The following CYP4B1 variants were observed in gnomAD, a reference collection of about 807,000 sequenced individuals.
CYP4B1 encodes cytochrome P450 4B1.
CYP4B1 carries 45 observed loss-of-function variants against 54.0 expected under a neutral mutation model. That is an observed-to-expected ratio of 0.83 (90% CI 0.66 to 1.07). The LOEUF (loss-of-function observed/expected upper bound fraction) is 1.07, where lower values mean the gene tolerates loss of function less well. Among genes scored for constraint, CYP4B1 ranks in the 50% least tolerant of loss-of-function variants. CYP4B1 has a pLI of 0.00. For missense variants in CYP4B1, 656 were observed against 655.4 expected (o/e 1.00, Z -0.01); for synonymous variants, 248 against 247.5 (o/e 1.00, Z -0.02).
chr1:46,803,933 T>A (rs946182035), intron 1 of CYP4B1, among the ~76,000 whole-genome samples: 1 of 152,072 alleles, frequency 6.6e-6, no homozygotes, highest in Non-Finnish European at 1.5e-5. Context: ...CGAACATGTG[T>A]ATGAGTGTGG....
chr1:46,808,489 G>T (rs1678952163), intron 1 of CYP4B1, among the ~76,000 whole-genome samples: 1 of 151,454 alleles, frequency 6.6e-6, no homozygotes, highest in African/African-American at 2.4e-5. Flanking sequence ...TTTTGATGGG[G>T]TTGTTTGTTT....
At chr1:46,805,550 A>G (rs1026542203) in intron 1 of CYP4B1, among the ~76,000 whole-genome samples, 1 of 152,122 alleles carries the variant, frequency 6.6e-6, no homozygotes, top group Admixed American at 6.5e-5. Flanking sequence ...GAAAGGGAGG[A>G]TGGAGGATGA....
At chr1:46,799,411 C>T in intron 1 of CYP4B1, 150 bp downstream of exon 1, 1 of 774,988 alleles carries the variant, frequency 1.3e-6, no homozygotes, top group Non-Finnish European at 2.0e-6. Flanking sequence ...TTCAGCTTTC[C>T]CACCGGAATT....
chr1:46,801,732 C>A (rs1382208592), intron 1 of CYP4B1, among the ~76,000 whole-genome samples: 1 of 152,158 alleles, frequency 6.6e-6, no homozygotes, highest in Non-Finnish European at 1.5e-5. Context: ...AAAATGAGGA[C>A]ATTGAAGTTC....
rs1237036677 is a variant in CYP4B1 at position 46,815,118 on chromosome 1, A to C, written c.927A>C (p.Glu309Asp). The C allele has an allele frequency of 6.2e-7, 1 of 1,614,214 alleles. No homozygotes were observed. Among genetic ancestry groups the C allele is most frequent in the East Asian group, 2.2e-5 (1 of 44,880 alleles). Residue 309 changes from glutamate (E) to aspartate (D), a missense_variant, in exon 8 of 12, where the codon GAA (glutamate) becomes GAC (aspartate). Physicochemically the swap from Glu to Asp is conservative, Grantham distance 45. Transcript: ENST00000371923. ...IKLSDADLRA[E>D]VDTFMFEGHD... ...TGTCAGATGCAGACCTCCGGGCTGAAGTGGACACATTCATGTTTGAAGGCC... is the reference window on the plus strand; with the variant it reads ...TGTCAGATGCAGACCTCCGGGCTGACGTGGACACATTCATGTTTGAAGGCC...
In CYP4B1 at chr1:46,815,104, G is replaced by C; in HGVS notation, c.913G>C (p.Asp305His). The C allele has an allele frequency of 6.2e-7, 1 of 1,614,226 alleles. No homozygotes were observed. The highest frequency in any genetic ancestry group is 8.5e-7 in the Non-Finnish European group (1 of 1,180,040). ...DEDDIKLSDA[D>H]LRAEVDTFMF... ...AGATGACATCAAACTGTCAGATGCA[G>C]ACCTCCGGGCTGAAGTGGACACATT... Residue 305 changes from aspartate (D) to histidine (H), a missense_variant, in exon 8 of 12, where the codon GAC becomes CAC. Coordinates refer to ENST00000371923, the MANE Select transcript of CYP4B1 (RefSeq NM_001099772.2).
chr1:46,814,952 C>T (rs569231545), intron 7 of CYP4B1, 122 bp from the exon 8 acceptor site: 1 of 811,348 alleles, frequency 1.2e-6, no homozygotes. Flanking sequence ...TCCTAATCCA[C>T]CCTCTGAAAA....
intron 8 of CYP4B1, among the ~76,000 whole-genome samples, chr1:46,816,377 G>A (rs1486781493): frequency 6.6e-6 from 1 of 152,174 alleles, no homozygotes; most frequent in Non-Finnish European, 1.5e-5. Flanking sequence ...ACCCGAGGCA[G>A]GGATTAGAAT....
At chr1:46,809,288 G>A (rs1679000701) in intron 1 of CYP4B1, among the ~76,000 whole-genome samples, 1 of 152,152 alleles carries the variant, frequency 6.6e-6, no homozygotes, top group Admixed American at 6.5e-5. Context: ...CCACCCCTAT[G>A]ATGCCAACAC....
Position 46,817,199 on chromosome 1 carries a change from G to T in CYP4B1, c.1207+18G>T, listed in dbSNP as rs1336679507. The T allele has an allele frequency of 3.7e-6, 6 of 1,613,872 alleles. No homozygotes were observed. Among genetic ancestry groups the T allele is most frequent in the African/African-American group, 1.3e-5 (1 of 75,022 alleles). ...ACCTGCAGGTGGGATGGGTGGATTT[G>T]GGGGTGGAAAAGGAGTCCCTGCATG... On this transcript the variant is annotated intron_variant, in intron 9 of 11. Coordinates refer to ENST00000371923, the MANE Select transcript of CYP4B1 (RefSeq NM_001099772.2).
Position 46,817,962 on chromosome 1 carries a change from C to T in CYP4B1, c.1208-3C>T. On this transcript the variant is annotated splice_polypyrimidine_tract_variant and splice_region_variant and intron_variant, in intron 9 of 11. Transcript: ENST00000371923. Reference sequence around the variant, plus strand: ...TGGTCACCAACCTCTGTTCTGCCCACAGGAAGCCTGATCTCTATGCATATC... The same window carrying T: ...TGGTCACCAACCTCTGTTCTGCCCATAGGAAGCCTGATCTCTATGCATATC... The T allele has an allele frequency of 6.2e-7, 1 of 1,614,108 alleles. No individual in the cohort carries two copies. The highest frequency in any genetic ancestry group is 8.5e-7 in the Non-Finnish European group (1 of 1,179,950).
rs762356887 is a variant in CYP4B1 at position 46,815,269 on chromosome 1, G to T, written c.1073+5G>T. On this transcript the variant is annotated splice_donor_5th_base_variant and intron_variant, in intron 8 of 11. Transcript: ENST00000371923. The stretch of plus-strand genomic sequence containing the variant: ...GGACCAGGACTTCTTCCAGTGGTGA[G>T]TCTGAGGGTGGGCCCGGTTTATCCT... The T allele has an allele frequency of 5.2e-6, 8 of 1,547,802 alleles. No individual in the cohort carries two copies.
Position 46,817,126 on chromosome 1 carries a change from G to C in CYP4B1, c.1152G>C (p.Val384=), listed in dbSNP as rs914210953. The C allele has an allele frequency of 2.5e-6, 4 of 1,614,218 alleles. No individual in the cohort carries two copies. Among genetic ancestry groups the C allele is most frequent in the Non-Finnish European group, 3.4e-6 (4 of 1,180,032 alleles). ...SFRLYPPVPQ[V]YRQLSKPVTF... The stretch of plus-strand genomic sequence containing the variant: ...GCCTCTACCCACCTGTGCCCCAGGT[G>C]TACCGCCAGCTCAGCAAGCCTGTCA... Residue 384 remains valine, a synonymous_variant, in exon 9 of 12, where the codon GTG becomes GTC. Transcript: ENST00000371923.
chr1:46,811,435 G>A (rs1016292277), intron 3 of CYP4B1, among the ~76,000 whole-genome samples: 46 of 152,334 alleles, frequency 3.0e-4, no homozygotes, highest in African/African-American at 9.9e-4. Context: ...GTGTGAGTGC[G>A]AAGAACAGTT....
chr1:46,800,784 A>T (rs1361074555), intron 1 of CYP4B1, among the ~76,000 whole-genome samples: 1 of 152,216 alleles, frequency 6.6e-6, no homozygotes, highest in Non-Finnish European at 1.5e-5. Flanking sequence ...TTGCCCTGAC[A>T]GATAACCCTG....
intron 4 of CYP4B1, 119 bp from the exon 5 acceptor site, chr1:46,813,363 T>C: frequency 1.7e-6 from 2 of 1,211,846 alleles, no homozygotes; most frequent in Non-Finnish European, 2.4e-6. Flanking sequence ...ACTGGGAGTG[T>C]GTGAAGGGGG....
rs1178842329 is a variant in CYP4B1, at chr1:46,818,822, G to A, written c.*8G>A. On this transcript the variant is annotated 3_prime_UTR_variant, in exon 12 of 12. Coordinates refer to ENST00000371923, the MANE Select transcript of CYP4B1 (RefSeq NM_001099772.2). ...CCTGGGTCTGGGAAGTAGCTCTGAT[G>A]AGAATGGGGTCCCAGATGGCTCAGG... The A allele has an allele frequency of 1.2e-6, 2 of 1,613,908 alleles. No homozygotes were observed. Among genetic ancestry groups the A allele is most frequent in the Admixed American group, 3.3e-5 (2 of 60,022 alleles).
intron 1 of CYP4B1, among the ~76,000 whole-genome samples, chr1:46,807,160 A>G (rs1678892859): frequency 6.6e-6 from 1 of 152,222 alleles, no homozygotes; most frequent in South Asian, 2.1e-4. Flanking sequence ...ATAAATCTAA[A>G]GAGCTAGGAG....
intron 1 of CYP4B1, among the ~76,000 whole-genome samples, chr1:46,807,423 T>C (rs1678906098): frequency 6.6e-6 from 1 of 152,150 alleles, no homozygotes; most frequent in African/African-American, 2.4e-5. Context: ...CCAATTGGGC[T>C]TTCTGGACCT....
Sources: allele counts gnomAD v4.1 joint callset (sites outside exome capture counted in the v4.1 genomes callset), GRCh38; gene constraint gnomAD v4.1.1; transcripts MANE v1.5; gene names NCBI Gene and HGNC (gene_info 2026-07-23, HGNC 2026-07-21).